Variants in CCDC171 observed in about 807,000 individuals in gnomAD.
CCDC171 encodes coiled-coil domain-containing protein 171.
Under a neutral mutation model 168.2 loss-of-function variants are expected in CCDC171, and 177 were observed. That is an observed-to-expected ratio of 1.05 (90% CI 0.93 to 1.19). The LOEUF (loss-of-function observed/expected upper bound fraction) is 1.19. CCDC171 is among the 50% of genes most tolerant of loss of function. The probability of loss-of-function intolerance (pLI) is 0.00; values close to 1 mark genes in which losing one functional copy is unlikely to be tolerated. For missense variants in CCDC171, 1,991 were observed against 1,539.0 expected, an observed-to-expected ratio of 1.29 and a Z score of -4.91; for synonymous variants, 687 against 540.8, an observed-to-expected ratio of 1.27 and a Z score of -3.75.
At chr9:15,784,774 A>G in intron 21 of CCDC171, 80 bp downstream of exon 21, 1 of 1,030,770 alleles carries the variant, frequency 9.7e-7, no homozygotes, top group South Asian at 1.7e-5. Context: ...ATATCTCCTG[A>G]ATAGGAATAG....
intron 3 of CCDC171, among the ~76,000 whole-genome samples, chr9:15,996,963 T>C (rs1589309403): frequency 6.6e-6 from 1 of 152,146 alleles, no homozygotes. Flanking sequence ...GGTGGATTGG[T>C]CATTGTGTCC....
intron 25 of CCDC171, among the ~76,000 whole-genome samples, chr9:15,935,441 C>T (rs2132209501): frequency 6.6e-6 from 1 of 152,146 alleles, no homozygotes; most frequent in Admixed American, 6.5e-5. Flanking sequence ...CTTTAAAATT[C>T]TTCAATTGAA....
intron 7 of CCDC171, among the ~76,000 whole-genome samples, chr9:15,644,897 G>C (rs2046915190): frequency 6.6e-6 from 1 of 152,188 alleles, no homozygotes. Flanking sequence ...GAGAGTAGTG[G>C]TTCTCCCAGC....
chr9:15,720,399 C>T (rs1588133057), intron 11 of CCDC171, among the ~76,000 whole-genome samples: 1 of 152,082 alleles, frequency 6.6e-6, no homozygotes, highest in African/African-American at 2.4e-5. Flanking sequence ...AAGACAGAGG[C>T]TATACCTTTC....
At chr9:15,959,155 A>T (rs1830108560) in intron 25 of CCDC171, among the ~76,000 whole-genome samples, 8 of 152,164 alleles carry the variant, frequency 5.3e-5, no homozygotes, top group Non-Finnish European at 2.9e-5. Flanking sequence ...ATAATTTGCC[A>T]CTGAGGCTGC....
At chr9:16,049,919 C>T (rs1055905617) in intron 1 of CCDC171, among the ~76,000 whole-genome samples, 1 of 152,122 alleles carries the variant, frequency 6.6e-6, no homozygotes, top group African/African-American at 2.4e-5. Flanking sequence ...CAGAGTCTTA[C>T]TCTGTCACAC....
At chr9:15,909,658 T>C (rs907184331) in intron 24 of CCDC171, among the ~76,000 whole-genome samples, 2 of 152,290 alleles carry the variant, frequency 1.3e-5, no homozygotes, top group East Asian at 3.9e-4. Flanking sequence ...TGTATCTCAT[T>C]CCCTCCTATA....
chr9:15,841,815 A>T (rs1441633828), intron 21 of CCDC171, among the ~76,000 whole-genome samples: 13 of 151,842 alleles, frequency 8.6e-5, no homozygotes, highest in Non-Finnish European at 8.8e-5. Context: ...ACCCGGCCCT[A>T]TTGTAAATTT....
At chr9:15,635,717 C>G (rs1359989425) in intron 7 of CCDC171, among the ~76,000 whole-genome samples, 1 of 152,226 alleles carries the variant, frequency 6.6e-6, no homozygotes, top group African/African-American at 2.4e-5. Context: ...GTTGTTTCCA[C>G]TCTTTCAGCC....
At chr9:15,998,226 G>A (rs1832432074) in intron 3 of CCDC171, among the ~76,000 whole-genome samples, 1 of 152,172 alleles carries the variant, frequency 6.6e-6, no homozygotes, top group Non-Finnish European at 1.5e-5. Context: ...ATACAGAGCT[G>A]TCTAATTCAG....
chr9:15,610,187 C>T (rs1203884445), intron 6 of CCDC171, among the ~76,000 whole-genome samples: 1 of 151,152 alleles, frequency 6.6e-6, no homozygotes, highest in East Asian at 1.9e-4. Context: ...GGTGTTTCTC[C>T]CCCCACCCCT....
At chr9:15,633,862 A>T (rs890631036) in intron 7 of CCDC171, among the ~76,000 whole-genome samples, 1 of 152,256 alleles carries the variant, frequency 6.6e-6, no homozygotes, top group African/African-American at 2.4e-5. Context: ...TGATGAGTTC[A>T]TGTCCTTTGT....
At chr9:15,695,133 G>C (rs566109883) in intron 10 of CCDC171, 102 bp from the exon 11 acceptor site, 1 of 724,708 alleles carries the variant, frequency 1.4e-6, no homozygotes, top group East Asian at 2.6e-5. Flanking sequence ...TATTTGAATG[G>C]AATCATTATC....
chr9:15,649,166 A>G (rs1222966826), intron 7 of CCDC171, among the ~76,000 whole-genome samples: 2 of 152,214 alleles, frequency 1.3e-5, no homozygotes, highest in Non-Finnish European at 2.9e-5. Context: ...CCTATTTAAT[A>G]AATGGTGCTG....
At chr9:15,558,857 C>T (rs1453645633) in intron 1 of CCDC171, among the ~76,000 whole-genome samples, 5 of 152,104 alleles carry the variant, frequency 3.3e-5, no homozygotes, top group African/African-American at 1.2e-4. Flanking sequence ...CCTGCTTTCT[C>T]TTGTGGGCAT....
At chr9:15,596,550 T>A (rs1248900442) in intron 6 of CCDC171, among the ~76,000 whole-genome samples, 1 of 151,726 alleles carries the variant, frequency 6.6e-6, no homozygotes, top group Non-Finnish European at 1.5e-5. Context: ...TACTGTAGCC[T>A]TGTAGTATAG....
At chr9:16,048,338 C>G (rs1833693622) in intron 1 of CCDC171, among the ~76,000 whole-genome samples, 1 of 152,184 alleles carries the variant, frequency 6.6e-6, no homozygotes, top group Non-Finnish European at 1.5e-5. Context: ...ACTGATGGGC[C>G]TCTCTCTGAG....
intron 7 of CCDC171, 62 bp downstream of exon 7, chr9:15,623,475 G>GCGCGCGCACGCACGCACACACACA: frequency 3.4e-6 from 1 of 293,710 alleles, no homozygotes; most frequent in African/African-American, 2.4e-5. Context: ...GCGCGCGCGC[G>GCGCGCGCACGCACGCACACACACA]CACACACACA....
intron 6 of CCDC171, among the ~76,000 whole-genome samples, chr9:15,612,057 A>C (rs2043736222): frequency 1.3e-5 from 2 of 152,222 alleles, no homozygotes; most frequent in South Asian, 4.1e-4. Context: ...TATAAACTAG[A>C]AAGTAGGCTC....
Sources: allele counts gnomAD v4.1 joint callset (sites outside exome capture counted in the v4.1 genomes callset), GRCh38; gene constraint gnomAD v4.1.1; transcripts MANE v1.5; gene names NCBI Gene and HGNC (gene_info 2026-07-23, HGNC 2026-07-21).